The following TRRAP variants were observed in gnomAD, a reference collection of about 807,000 sequenced individuals.
TRRAP encodes the protein transformation/transcription domain-associated protein.
TRRAP carries 41 observed loss-of-function variants against 438.8 expected under a neutral mutation model. The observed-to-expected ratio is 0.09, with a 90% CI of 0.07 to 0.12. The LOEUF (loss-of-function observed/expected upper bound fraction) is 0.12. Ranked by LOEUF, TRRAP falls within the 10% of genes least tolerant of loss-of-function variation. The probability of loss-of-function intolerance (pLI) is 1.00; values close to 1 mark genes in which losing one functional copy is unlikely to be tolerated. For missense variants in TRRAP, 3,122 were observed against 5,055.1 expected, an observed-to-expected ratio of 0.62 and a Z score of 11.60; for synonymous variants, 1,994 against 1,962.9, an observed-to-expected ratio of 1.02 and a Z score of -0.42.
At chr7:98,947,766 T>C (rs1015943804) in intron 33 of TRRAP, among the ~76,000 whole-genome samples, 1 of 152,164 alleles carries the variant, frequency 6.6e-6, no homozygotes, top group Non-Finnish European at 1.5e-5. Context: ...CTGCTAGGTT[T>C]TGAGGGCAAA....
intron 28 of TRRAP, 44 bp downstream of exon 28, chr7:98,935,719 T>G: frequency 6.7e-7 from 1 of 1,494,166 alleles, no homozygotes; most frequent in Non-Finnish European, 9.2e-7. Flanking sequence ...GAAAGGAGAC[T>G]GACCACAGGA....
intron 32 of TRRAP, 56 bp downstream of exon 32, chr7:98,945,856 C>CCTTTT (rs781936104): frequency 2.0e-4 from 320 of 1,571,456 alleles, no homozygotes; most frequent in East Asian, 3.6e-4. Context: ...GAAAAGTTTA[C>CCTTTT]CTTTTCTTTT....
At chr7:98,984,029 CTTG>C (rs1278777058) in intron 60 of TRRAP, 61 bp from the exon 61 acceptor site, 12 of 1,490,516 alleles carry the variant, frequency 8.1e-6, no homozygotes, top group African/African-American at 1.4e-5. Context: ...TTATTTAAGC[CTTG>C]TTGTGAAGTG....
At position 98,937,754 on chromosome 7, in the gene TRRAP, T is replaced by C; in HGVS notation, c.4338T>C (p.Asn1446=). 6.2e-7 allele frequency: 1 copy of C among 1,614,064 alleles called. No individual in the cohort carries two copies. The highest frequency in any genetic ancestry group is 1.1e-5 in the South Asian group (1 of 91,062). Residue 1446 remains asparagine, a synonymous_variant, in exon 30 of 73, where the codon AAT becomes AAC. Transcript: ENST00000456197. ...GGAGCTTGACGCTGAATGTTGTGAATCGCCTGACTTCGGTCACGAGGCTCT... is the reference window on the plus strand; with the variant it reads ...GGAGCTTGACGCTGAATGTTGTGAACCGCCTGACTTCGGTCACGAGGCTCT... ...DYRSLTLNVV[N]RLTSVTRLFP...
chr7:98,967,583 T>A lies in TRRAP; in HGVS notation c.7397T>A (p.Phe2466Tyr). The change falls in exon 51 of 73, where the codon TTC (phenylalanine) becomes TAC (tyrosine). Residue 2466 changes from phenylalanine (F) to tyrosine (Y), a missense_variant. Physicochemically the swap from Phe to Tyr is conservative, Grantham distance 22. This residue lies in a region of TRRAP where 992 missense variants were observed against 1,281.2 expected (regional missense o/e 0.77). Transcript: ENST00000456197. ...CAQPLIRAKF[F>Y]EVFDNSMKRR... ...CAGCCACTCATCAGGGCAAAGTTTT[T>A]CGAGGTTTTTGACAACTCCATGAAA... is the stretch of plus-strand genomic sequence containing the variant. The A allele has an allele frequency of 6.2e-7, 1 of 1,614,118 alleles. No homozygotes were observed. The highest frequency in any genetic ancestry group is 8.5e-7 in the Non-Finnish European group (1 of 1,180,018).
At chr7:98,888,509 C>T (rs1284817523) in intron 3 of TRRAP, among the ~76,000 whole-genome samples, 1 of 152,208 alleles carries the variant, frequency 6.6e-6, no homozygotes, top group Admixed American at 6.5e-5. Flanking sequence ...TGCACTCCAG[C>T]CTGGGCGACA....
intron 57 of TRRAP, 36 bp downstream of exon 57, chr7:98,978,359 C>T (rs150485866): frequency 1.3e-6 from 2 of 1,544,170 alleles, no homozygotes; most frequent in East Asian, 4.5e-5. Context: ...GTGCATGAAT[C>T]AGTTAAGGGA....
intron 53 of TRRAP, among the ~76,000 whole-genome samples, chr7:98,972,798 A>C (rs944104196): frequency 1.3e-5 from 2 of 152,180 alleles, no homozygotes; most frequent in Admixed American, 1.3e-4. Context: ...TTTTACGTTA[A>C]AATCTTTTGG....
chr7:98,893,939 G>T, intron 6 of TRRAP, 58 bp downstream of exon 6: 2 of 1,558,170 alleles, frequency 1.3e-6, no homozygotes, highest in Admixed American at 1.9e-5. Context: ...TTCCTTCTGT[G>T]AAATTTTTTG....
At chr7:99,010,075 A>G (rs1329688196) in intron 70 of TRRAP, among the ~76,000 whole-genome samples, 3 of 151,760 alleles carry the variant, frequency 2.0e-5, no homozygotes, top group African/African-American at 2.4e-5. Context: ...TTTAGGAGAG[A>G]TGGGGTTTCA....
In TRRAP at chr7:98,994,579, T is replaced by G. The variant is rs1225980638; in HGVS notation, c.10048-8T>G. ...GTTTGTCAGTTGTCTCTGGCTCTTT[T>G]CTACCAGGTTCTCAGGCAGCTCCAA... On this transcript the variant is annotated splice_region_variant and splice_polypyrimidine_tract_variant and intron_variant, in intron 66 of 72. Transcript: ENST00000456197. The surrounding 1 kb of genome is among the most constrained non-coding windows in gnomAD (Gnocchi z 4.8). 1.9e-6 allele frequency: 3 copies of G among 1,613,834 alleles called. No individual in the cohort carries two copies. Among genetic ancestry groups the G allele is most frequent in the Non-Finnish European group, 2.5e-6 (3 of 1,179,858 alleles).
chr7:98,999,591 T>C, intron 67 of TRRAP: 2 of 765,058 alleles, frequency 2.6e-6, no homozygotes, highest in South Asian at 1.5e-5. Flanking sequence ...GTTCTTCCCA[T>C]AGGTTGTCTA....
At chr7:98,993,121 G>A (rs995108834) in intron 65 of TRRAP, among the ~76,000 whole-genome samples, 1 of 152,172 alleles carries the variant, frequency 6.6e-6, no homozygotes, top group Admixed American at 6.5e-5. Context: ...TGAGTTTATA[G>A]TAGCAAGGAA....
intron 30 of TRRAP, among the ~76,000 whole-genome samples, chr7:98,939,308 T>TCTCTCTACATAC (rs1790691314): frequency 6.6e-6 from 1 of 152,206 alleles, no homozygotes; most frequent in Non-Finnish European, 1.5e-5. Flanking sequence ...TAGAGAGAGA[T>TCTCTCTACATAC]ATTGCAGGTA....
rs191100106 is a variant in TRRAP, at chr7:98,978,122, A to G, written c.8386-89A>G. On this transcript the variant is annotated intron_variant, in intron 56 of 72. Coordinates refer to ENST00000456197, the MANE Select transcript of TRRAP (RefSeq NM_001375524.1). ...GGCAACATAGCAAAACCTCATCTCA[A>G]AAAACTTAGTTCTAAGTTTTAAATT... 1.8e-4 allele frequency: 226 copies of G among 1,232,076 alleles called. 1 individual carries two copies. Among genetic ancestry groups the G allele is most frequent in the Non-Finnish European group, 2.4e-4 (211 of 863,138 alleles). The allele number at this position is 1,232,076 out of a possible 1,614,324, so 76.3% of individuals were successfully genotyped here.
chr7:98,891,981 A>G (rs1284225510), intron 4 of TRRAP, among the ~76,000 whole-genome samples: 1 of 152,232 alleles, frequency 6.6e-6, no homozygotes, highest in Non-Finnish European at 1.5e-5. Flanking sequence ...AGAATCACAG[A>G]AGCTTAGTAC....
At chr7:98,892,573 CTT>C in intron 5 of TRRAP, 45 bp downstream of exon 5, 1 of 1,438,134 alleles carries the variant, frequency 7.0e-7, no homozygotes, top group Non-Finnish European at 9.5e-7. Flanking sequence ...GTATGTAAAA[CTT>C]TCACTGATTT....
chr7:98,929,892 C>T, intron 23 of TRRAP, 97 bp from the exon 24 acceptor site: 2 of 1,369,000 alleles, frequency 1.5e-6, no homozygotes, highest in Non-Finnish European at 2.0e-6. Context: ...CCGTGCCCTG[C>T]TTTTTATGGA....
chr7:98,945,546 G>A (rs1428097695), intron 31 of TRRAP, among the ~76,000 whole-genome samples: 1 of 152,162 alleles, frequency 6.6e-6, no homozygotes, highest in Non-Finnish European at 1.5e-5. Flanking sequence ...GACACTCTCT[G>A]TCAGATGGGC....
Sources: gnomAD v4.1 joint callset for allele counts (sites outside exome capture counted in the v4.1 genomes callset) on GRCh38, gnomAD v4.1.1 for gene constraint, gnomAD v4.1.1 regional missense constraint, Gnocchi (gnomAD v3.1) non-coding constraint, MANE v1.5 for transcripts, NCBI Gene and HGNC (gene_info 2026-07-23, HGNC 2026-07-21) for gene names.